SLC22A25: variants seen among roughly 807,000 people sequenced by gnomAD.
SLC22A25 encodes solute carrier family 22 member 25, also known as MGI:2442751, MGI:2385316, MGI:3042283, MGI:3645714, MGI:3605624, MGI:2442750.
SLC22A25 carries 44 observed loss-of-function variants against 45.9 expected under a neutral mutation model. The observed-to-expected ratio is 0.96, with a 90% confidence interval of 0.75 to 1.23. The LOEUF is 1.23. SLC22A25 is among the 50% of genes most tolerant of loss of function. The pLI, the probability that SLC22A25 is intolerant of heterozygous loss-of-function variation, is 0.00. For missense variants in SLC22A25, 800 were observed against 666.4 expected (o/e 1.20, Z -2.21); for synonymous variants, 283 against 238.6 (o/e 1.19, Z -1.72).
chr11:63,186,940 G>T lies in SLC22A25; in HGVS notation c.831-3123C>A, dbSNP rs545240774. ...GGTACCAGTACCATGCTGTTTTGGT[G>T]ACTGTAGCCTTGTAGTAGAGTTTGA... On this transcript the variant is annotated intron_variant, in intron 7 of 11. Coordinates refer to ENST00000306494, the MANE Select transcript of SLC22A25 (RefSeq NM_199352.6). Among the ~76,000 whole-genome samples the T allele has an allele frequency of 2.5e-3, 373 of 152,194 alleles. 2 individuals are homozygous for T. Among genetic ancestry groups the T allele is most frequent in the Admixed American group, 0.01 (160 of 15,288 alleles).
intron 7 of SLC22A25, among the ~76,000 whole-genome samples, chr11:63,213,004 C>A (rs1221244275): frequency 6.6e-6 from 1 of 152,080 alleles, no homozygotes; most frequent in Non-Finnish European, 1.5e-5. Context: ...TGTCCAAGGA[C>A]AAGGCAAAAG....
At chr11:63,179,368 A>G (rs1401700073) in intron 9 of SLC22A25, among the ~76,000 whole-genome samples, 1 of 152,086 alleles carries the variant, frequency 6.6e-6, no homozygotes, top group Non-Finnish European at 1.5e-5. Flanking sequence ...GTATCTATAC[A>G]TTTGAAGAAA....
At position 63,224,858 on chromosome 11, in the gene SLC22A25, G is replaced by A. The variant is rs541195477; in HGVS notation, c.506+3603C>T. Among the ~76,000 whole-genome samples the A allele has an allele frequency of 4.3e-4, 65 of 152,300 alleles. No individual in the cohort carries two copies. The South Asian group carries it at 0.013, about 31-fold the overall frequency. ...CTGACGCCTGTAATCCCAGCACTTTGGGAGGCAGAGGTGGGTGGAACTTGA... is the reference window on the plus strand; with the variant it reads ...CTGACGCCTGTAATCCCAGCACTTTAGGAGGCAGAGGTGGGTGGAACTTGA... On this transcript the variant is annotated intron_variant, in intron 5 of 11. Coordinates refer to ENST00000306494, the MANE Select transcript of SLC22A25 (RefSeq NM_199352.6).
At chr11:63,225,700 A>G (rs2089947551) in intron 5 of SLC22A25, among the ~76,000 whole-genome samples, 1 of 152,156 alleles carries the variant, frequency 6.6e-6, no homozygotes, top group Non-Finnish European at 1.5e-5. Context: ...CTCTCTTAAT[A>G]GCTCTTTGAA....
In SLC22A25 at chr11:63,160,051, ACT is replaced by A. The variant is rs919071162; in HGVS notation, c.*3771_*3772del. ...AAAAGCAGTCAGTTTTAAAAGGGAA[ACT>A]CAGCAAAAAAGTTTGAAAAATTTGC... On this transcript the variant is annotated 3_prime_UTR_variant, in exon 12 of 12. Transcript: ENST00000306494. Among the ~76,000 whole-genome samples the A allele has an allele frequency of 3.9e-5, 6 of 152,322 alleles. No homozygotes were observed. Among genetic ancestry groups the A allele is most frequent in the African/African-American group, 1.4e-4 (6 of 41,568 alleles).
intron 7 of SLC22A25, among the ~76,000 whole-genome samples, chr11:63,188,622 T>C (rs4337047): frequency 0.36 from 55,367 of 152,056 alleles, 10,395 homozygotes; most frequent in East Asian, 0.56. Flanking sequence ...TCTCTAGTTC[T>C]TTTAATTGCG....
chr11:63,166,447 C>T (rs1363119450), intron 9 of SLC22A25, 189 bp from the exon 10 acceptor site: 3 of 1,414,366 alleles, frequency 2.1e-6, no homozygotes, highest in Non-Finnish European at 2.8e-6. Flanking sequence ...ATAGTGGTAA[C>T]AATTGTATCT....
At chr11:63,190,145 A>G (rs899456937) in intron 7 of SLC22A25, among the ~76,000 whole-genome samples, 4 of 152,236 alleles carry the variant, frequency 2.6e-5, no homozygotes, top group Non-Finnish European at 4.4e-5. Context: ...AGTGTTTTCC[A>G]ACTTCATTCC....
In SLC22A25 at chr11:63,162,090, C is replaced by T. The variant is rs895852707; in HGVS notation, c.*1734G>A. ...TCTTCTTTTGAGAAATACCTATTCACGTTGCCCATTGTTTGATGAGATTAT... is the reference window on the plus strand; with the variant it reads ...TCTTCTTTTGAGAAATACCTATTCATGTTGCCCATTGTTTGATGAGATTAT... On this transcript the variant is annotated 3_prime_UTR_variant, in exon 12 of 12. Coordinates refer to ENST00000306494, the MANE Select transcript of SLC22A25 (RefSeq NM_199352.6). Among the ~76,000 whole-genome samples the T allele has an allele frequency of 3.7e-4, 56 of 152,084 alleles. 1 individual carries two copies. Among genetic ancestry groups the T allele is most frequent in the Non-Finnish European group, 5.6e-4 (38 of 68,004 alleles).
intron 4 of SLC22A25, 30 bp from the exon 5 acceptor site, chr11:63,228,594 GC>G: frequency 6.7e-7 from 1 of 1,501,756 alleles, no homozygotes; most frequent in Non-Finnish European, 9.2e-7. Flanking sequence ...TCATATCAAT[GC>G]TTATAGCCCC....
intron 7 of SLC22A25, among the ~76,000 whole-genome samples, chr11:63,194,889 G>GAAAAAAA (rs1565091135): frequency 2.1e-4 from 3 of 14,288 alleles, no homozygotes; most frequent in South Asian, 2.6e-3. Flanking sequence ...CAAATGGAAA[G>GAAAAAAA]CAAAAAAAAA....
chr11:63,191,577 C>T (rs1401416571), intron 7 of SLC22A25, among the ~76,000 whole-genome samples: 1 of 152,108 alleles, frequency 6.6e-6, no homozygotes, highest in Non-Finnish European at 1.5e-5. Flanking sequence ...TGACACTCCC[C>T]ATTGAGATGA....
intron 7 of SLC22A25, among the ~76,000 whole-genome samples, chr11:63,202,503 G>A (rs146468390): frequency 0.042 from 6,320 of 152,198 alleles, 434 homozygotes; most frequent in African/African-American, 0.14. Context: ...TTGAGTAGGC[G>A]GTTTTCCCCT....
intron 7 of SLC22A25, among the ~76,000 whole-genome samples, chr11:63,191,217 T>A (rs1361380972): frequency 6.6e-6 from 1 of 152,208 alleles, no homozygotes; most frequent in African/African-American, 2.4e-5. Flanking sequence ...TCCCAGCTGC[T>A]TTGTTTACCT....
At chr11:63,193,883 T>C (rs540876961) in intron 7 of SLC22A25, among the ~76,000 whole-genome samples, 1 of 152,102 alleles carries the variant, frequency 6.6e-6, no homozygotes, top group Non-Finnish European at 1.5e-5. Flanking sequence ...AGGGGGATGT[T>C]CAAACCCATT....
At chr11:63,236,489 G>T (rs556240843) in intron 3 of SLC22A25, among the ~76,000 whole-genome samples, 2 of 152,276 alleles carry the variant, frequency 1.3e-5, no homozygotes, top group South Asian at 4.1e-4. Context: ...AAGCCCATTG[G>T]AAAAGCATAG....
rs1294110965 is a variant in SLC22A25 at position 63,162,353 on chromosome 11, C to T, written c.*1471G>A. Reference sequence around the variant, plus strand: ...AGAAATCTTTGGCCAGTCTAATGTACTGGAAAATTTCTCCAATGTTTTCTT... The same window carrying T: ...AGAAATCTTTGGCCAGTCTAATGTATTGGAAAATTTCTCCAATGTTTTCTT... On this transcript the variant is annotated 3_prime_UTR_variant, in exon 12 of 12. Transcript: ENST00000306494. 6.6e-6 allele frequency among the ~76,000 whole-genome samples: 1 copy of T among 152,144 alleles called. No individual in the cohort carries two copies. Among genetic ancestry groups the T allele is most frequent in the African/African-American group, 2.4e-5 (1 of 41,426 alleles).
At chr11:63,181,822 T>G (rs1020868291) in intron 8 of SLC22A25, among the ~76,000 whole-genome samples, 2 of 152,132 alleles carry the variant, frequency 1.3e-5, no homozygotes, top group Non-Finnish European at 2.9e-5. Context: ...TTAGAAATCC[T>G]GTTGAGGCAA....
intron 5 of SLC22A25, among the ~76,000 whole-genome samples, chr11:63,225,090 C>T (rs1278193671): frequency 6.6e-6 from 1 of 152,072 alleles, no homozygotes; most frequent in African/African-American, 2.4e-5. Flanking sequence ...CAGAGCAAGA[C>T]TCCGTCTCAA....
Sources: gnomAD v4.1 joint callset for allele counts (sites outside exome capture counted in the v4.1 genomes callset) on GRCh38, gnomAD v4.1.1 for gene constraint, MANE v1.5 for transcripts, NCBI Gene and HGNC (gene_info 2026-07-23, HGNC 2026-07-21) for gene names.